Variants in MTMR9 observed in about 807,000 individuals in gnomAD.
MTMR9 encodes myotubularin related protein 9.
Under a neutral mutation model 69.5 loss-of-function variants are expected in MTMR9, and 39 were observed. The observed-to-expected ratio is 0.56, with a 90% CI of 0.43 to 0.73. MTMR9 has a LOEUF of 0.73. Ranked by LOEUF, MTMR9 falls within the 30% of genes least tolerant of loss-of-function variation. The pLI, the probability that MTMR9 is intolerant of heterozygous loss-of-function variation, is 0.00. For synonymous variants in MTMR9, 354 were observed against 240.8 expected (o/e 1.47, Z -4.35); for missense variants, 900 against 671.2 (o/e 1.34, Z -3.77).
In MTMR9 at chr8:11,306,358, C is replaced by G; in HGVS notation, c.760C>G (p.Gln254Glu). The G allele has an allele frequency of 1.2e-6, 2 of 1,614,040 alleles. No individual in the cohort carries two copies. The highest frequency in any genetic ancestry group is 1.7e-6 in the Non-Finnish European group (2 of 1,179,958). ...QTRAKGGGFE[Q>E]EAHYPQWRRI... ...TAGAGCCAAAGGAGGTGGCTTTGAACAAGAAGCTCATTATCCTCAGTGGAG... is the reference window on the plus strand; with the variant it reads ...TAGAGCCAAAGGAGGTGGCTTTGAAGAAGAAGCTCATTATCCTCAGTGGAG... Residue 254 changes from glutamine to glutamate, a missense_variant, in exon 5 of 10, where the codon CAA becomes GAA. Physicochemically the swap from Gln to Glu is conservative, Grantham distance 29. Coordinates refer to ENST00000221086, the MANE Select transcript of MTMR9 (RefSeq NM_015458.4).
At position 11,298,728 on chromosome 8, in the gene MTMR9, C is replaced by G. The variant is rs573707019; in HGVS notation, c.292-1295C>G. On this transcript the variant is annotated intron_variant, in intron 2 of 9. Transcript: ENST00000221086. ...TATCCTTTCCCCGCTGCACCCCCCCCCCGCCATCCAGTATAGAAATACTTT... is the reference window on the plus strand; with the variant it reads ...TATCCTTTCCCCGCTGCACCCCCCCGCCGCCATCCAGTATAGAAATACTTT... 7.8e-5 allele frequency: 72 copies of G among 924,652 alleles called. 1 individual carries two copies. The highest frequency in any genetic ancestry group is 8.6e-5 in the Non-Finnish European group (67 of 776,540). The allele number at this position is 924,652 out of a possible 1,614,324, so 57.3% of individuals were successfully genotyped here.
downstream of MTMR9, chr8:11,331,059 G>A (rs777438120): frequency 5.8e-6 from 9 of 1,548,282 alleles, no homozygotes; most frequent in Middle Eastern, 2.1e-4. Context: ...GAGCTCTGAG[G>A]GGCCCAGGCT....
intron 2 of MTMR9, 129 bp from the exon 3 acceptor site, chr8:11,299,894 C>G (rs1799691651): frequency 9.1e-7 from 1 of 1,103,202 alleles, no homozygotes; most frequent in Admixed American, 2.6e-5. Context: ...GTGATAAACA[C>G]AATGTTAGAG....
intron 2 of MTMR9, 73 bp from the exon 3 acceptor site, chr8:11,299,950 C>T (rs548879565): frequency 2.1e-5 from 32 of 1,535,052 alleles, no homozygotes; most frequent in Non-Finnish European, 2.5e-5. Flanking sequence ...TTGCTTAATA[C>T]TAATTTGTCA....
downstream of MTMR9, chr8:11,332,259 C>A: frequency 7.4e-7 from 1 of 1,345,744 alleles, no homozygotes; most frequent in South Asian, 1.6e-5. Flanking sequence ...TTCCATAGCA[C>A]ATTATAATAT....
In MTMR9 at chr8:11,306,271, C is replaced by G. The variant is rs766044435; in HGVS notation, c.673C>G (p.Leu225Val). 15 of 1,614,034 alleles carry G rather than the reference C, an allele frequency of 9.3e-6. No homozygotes were observed. The East Asian group carries it at 3.1e-4, about 34-fold the overall frequency. The change falls in exon 5 of 10, where the codon CTC becomes GTC. Residue 225 changes from leucine (L) to valine (V), a missense_variant. Leu to Val is a conservative substitution (Grantham distance 32, BLOSUM62 1). Transcript: ENST00000221086. Reference sequence around the variant, plus strand: ...GGACGAGAAGCTGATAAATGCTACCCTCAGGGCTGGAAAGCGTGGCTACAT... The same window carrying G: ...GGACGAGAAGCTGATAAATGCTACCGTCAGGGCTGGAAAGCGTGGCTACAT... ...KEDEKLINATLRAGKRGYIID... is the reference protein window; with the variant it reads ...KEDEKLINATVRAGKRGYIID...
At chr8:11,309,038 CT>C (rs1263063892) in intron 5 of MTMR9, among the ~76,000 whole-genome samples, 14 of 152,152 alleles carry the variant, frequency 9.2e-5, no homozygotes, top group Non-Finnish European at 1.6e-4. Flanking sequence ...GCACAGTTTC[CT>C]CCACCTATTG....
At chr8:11,301,437 A>G (rs1262542100) in intron 3 of MTMR9, among the ~76,000 whole-genome samples, 1 of 152,246 alleles carries the variant, frequency 6.6e-6, no homozygotes, top group Non-Finnish European at 1.5e-5. Context: ...GTATTGGAAC[A>G]GTTGGATATC....
rs766933502 is a variant in MTMR9 at position 11,309,516 on chromosome 8, A to G, written c.810-11A>G. On this transcript the variant is annotated splice_polypyrimidine_tract_variant and intron_variant, in intron 5 of 9. Transcript: ENST00000221086. ...TGGGTTTGTTATTTTTTACTTTCTT[A>G]CTTTTAAAAGGTATCACATTCTTCA... 13 of 1,577,220 alleles carry G rather than the reference A, an allele frequency of 8.2e-6. No homozygotes were observed. Among genetic ancestry groups the G allele is most frequent in the Middle Eastern group, 3.4e-4 (2 of 5,894 alleles).
chr8:11,296,441 T>G (rs1178705422), intron 2 of MTMR9, among the ~76,000 whole-genome samples: 1 of 152,186 alleles, frequency 6.6e-6, no homozygotes, highest in Non-Finnish European at 1.5e-5. Flanking sequence ...GTGTACAGTT[T>G]AGTAGGGTAT....
chr8:11,339,486 C>T, the MTMR9 span, among the ~76,000 whole-genome samples: 13 of 152,176 alleles, frequency 8.5e-5, no homozygotes, highest in South Asian at 2.1e-4. Flanking sequence ...AAATCTGGCC[C>T]GCTGCCTGTT....
the MTMR9 span, among the ~76,000 whole-genome samples, chr8:11,335,186 A>T: frequency 2.0e-5 from 3 of 152,254 alleles, no homozygotes; most frequent in African/African-American, 7.2e-5. Flanking sequence ...ATAAGCAACC[A>T]TAATCTCCTA....
rs551879139 is a variant in MTMR9, at chr8:11,325,005, C to G, written c.*2217C>G. 4 of 152,250 alleles carry G rather than the reference C, an allele frequency of 2.6e-5. No individual in the cohort carries two copies. Among genetic ancestry groups the G allele is most frequent in the Non-Finnish European group, 5.9e-5 (4 of 68,058 alleles). 9.4% of individuals were successfully genotyped at this position (152,250 alleles called of 1,614,324 possible). On this transcript the variant is annotated 3_prime_UTR_variant, in exon 10 of 10. Transcript: ENST00000221086. ...AAGGTAGACCCATCTTCCTGATGCACATTTGCTGTGCGAGCCAGAGTACAG... is the reference window on the plus strand; with the variant it reads ...AAGGTAGACCCATCTTCCTGATGCAGATTTGCTGTGCGAGCCAGAGTACAG...
chr8:11,291,661 T>C (rs892958908), intron 1 of MTMR9, among the ~76,000 whole-genome samples: 2 of 152,020 alleles, frequency 1.3e-5, no homozygotes, highest in African/African-American at 4.8e-5. Flanking sequence ...TTTTAACTCC[T>C]CTAGTCATTC....
downstream of MTMR9, among the ~76,000 whole-genome samples, chr8:11,330,219 G>T (rs1188734265): frequency 3.3e-5 from 5 of 151,200 alleles, no homozygotes; most frequent in Non-Finnish European, 7.4e-5. Context: ...CCGCGGCCTG[G>T]CCAGCCGCCC....
chr8:11,292,597 G>A (rs1258113038), intron 1 of MTMR9, among the ~76,000 whole-genome samples: 1 of 152,160 alleles, frequency 6.6e-6, no homozygotes, highest in African/African-American at 2.4e-5. Context: ...GACTAGTGGT[G>A]TAGGGCATCT....
chr8:11,328,344 CGTGTGTGT>C (rs151066674), downstream of MTMR9, among the ~76,000 whole-genome samples: 2 of 90,894 alleles, frequency 2.2e-5, no homozygotes, highest in African/African-American at 3.0e-5. Context: ...TTTAATACCA[CGTGTGTGT>C]GTGTGTGTGT....
intron 8 of MTMR9, chr8:11,318,508 C>T (rs1306866014): frequency 6.6e-6 from 1 of 152,210 alleles, no homozygotes; most frequent in African/African-American, 2.4e-5. Context: ...AGAGACAAAA[C>T]TGATTTTATA....
In MTMR9 at chr8:11,309,509, C is replaced by G. The variant is rs1260488560; in HGVS notation, c.810-18C>G. ...TATTTTCTGGGTTTGTTATTTTTTACTTTCTTACTTTTAAAAGGTATCACA... is the reference window on the plus strand; with the variant it reads ...TATTTTCTGGGTTTGTTATTTTTTAGTTTCTTACTTTTAAAAGGTATCACA... On this transcript the variant is annotated intron_variant, in intron 5 of 9. Transcript: ENST00000221086. 1.3e-6 allele frequency: 2 copies of G among 1,568,646 alleles called. No individual in the cohort carries two copies. Among genetic ancestry groups the G allele is most frequent in the African/African-American group, 1.4e-5 (1 of 72,866 alleles).
Sources: gnomAD v4.1 joint callset for allele counts (sites outside exome capture counted in the v4.1 genomes callset) on GRCh38, gnomAD v4.1.1 for gene constraint, MANE v1.5 for transcripts, NCBI Gene and HGNC (gene_info 2026-07-23, HGNC 2026-07-21) for gene names.